PLXNA4: variants seen among roughly 807,000 people sequenced by gnomAD.
The protein encoded by PLXNA4 is plexin-A4.
PLXNA4 carries 44 observed loss-of-function variants against 191.8 expected under a neutral mutation model. That is an observed-to-expected ratio of 0.23 (90% CI 0.18 to 0.29). The LOEUF (loss-of-function observed/expected upper bound fraction) is 0.29. Ranked by LOEUF, PLXNA4 falls within the 10% of genes least tolerant of loss-of-function variation. The pLI, the probability that PLXNA4 is intolerant of heterozygous loss-of-function variation, is 1.00. For synonymous variants in PLXNA4, 1,082 were observed against 1,009.5 expected, an observed-to-expected ratio of 1.07 and a Z score of -1.36; for missense variants, 1,800 against 2,488.8, an observed-to-expected ratio of 0.72 and a Z score of 5.89.
chr7:132,294,143 G>A (rs1205841199), intron 4 of PLXNA4, among the ~76,000 whole-genome samples: 1 of 152,224 alleles, frequency 6.6e-6, no homozygotes, highest in African/African-American at 2.4e-5. Flanking sequence ...AGAGCCAGGA[G>A]AGGAGATTGG....
intron 1 of PLXNA4, among the ~76,000 whole-genome samples, chr7:132,574,157 C>T (rs1802116140): frequency 6.6e-6 from 1 of 152,218 alleles, no homozygotes; most frequent in Non-Finnish European, 1.5e-5. Context: ...CATAATGATA[C>T]TAGCTTTGCA....
At chr7:132,613,307 T>C (rs1407968124) in intron 2 of PLXNA4, among the ~76,000 whole-genome samples, 1 of 152,152 alleles carries the variant, frequency 6.6e-6, no homozygotes, top group Non-Finnish European at 1.5e-5. Context: ...CAGCTTCTAC[T>C]AAAAGGTCAC....
rs374327789 is a variant in PLXNA4, at chr7:132,185,334, G to A, written c.3123C>T (p.Thr1041=). The A allele has an allele frequency of 5.6e-5, 90 of 1,613,816 alleles. No homozygotes were observed. Among genetic ancestry groups the A allele is most frequent in the Non-Finnish European group, 7.3e-5 (86 of 1,179,932 alleles). The change falls in exon 16 of 32, where the codon ACC becomes ACT. Residue 1041 remains threonine, a synonymous_variant. Transcript: ENST00000321063. ...DLVFQYVEDP[T]IVRIEPEWSI... ...TCCATTCTGGCTCAATCCGCACGAT[G>A]GTGGGGTCTTCCACATACTGAAAGA...
In PLXNA4 at chr7:132,414,279, C is replaced by T. The variant is rs532641014; in HGVS notation, c.1371+75013G>A. On this transcript the variant is annotated intron_variant, in intron 3 of 31. Transcript: ENST00000321063. ...GGCTTGCCAGCTGTGCCTTCCAGGT[C>T]CTGGTTCTGGGATCCCCTCTCATCC... is the stretch of plus-strand genomic sequence containing the variant. Among the ~76,000 whole-genome samples, 35 of 152,274 alleles carry T rather than the reference C, an allele frequency of 2.3e-4. No individual in the cohort carries two copies. The South Asian group carries it at 6.8e-3, about 30-fold the overall frequency.
intron 3 of PLXNA4, among the ~76,000 whole-genome samples, chr7:132,456,107 T>C (rs897703586): frequency 6.9e-6 from 1 of 144,692 alleles, no homozygotes; most frequent in Non-Finnish European, 1.5e-5. Flanking sequence ...GCATCTCCTC[T>C]GTTCTTTTTT....
chr7:132,401,497 C>T (rs1585085936), intron 3 of PLXNA4, among the ~76,000 whole-genome samples: 1 of 152,310 alleles, frequency 6.6e-6, no homozygotes, highest in East Asian at 1.9e-4. Context: ...GCATGTGATA[C>T]AGTACCAAAA....
At chr7:132,643,676 C>T (rs1055760392) in intron 2 of PLXNA4, among the ~76,000 whole-genome samples, 3 of 152,102 alleles carry the variant, frequency 2.0e-5, no homozygotes, top group Non-Finnish European at 4.4e-5. Flanking sequence ...GAGGGCCTGG[C>T]GAGGTGGATC....
intron 2 of PLXNA4, among the ~76,000 whole-genome samples, chr7:132,619,115 A>G (rs192972915): frequency 2.0e-5 from 3 of 152,212 alleles, no homozygotes; most frequent in Non-Finnish European, 4.4e-5. Context: ...TGTAAATCCC[A>G]AAAAACCTTC....
At chr7:132,370,309 T>C (rs1358855843) in intron 3 of PLXNA4, among the ~76,000 whole-genome samples, 1 of 152,088 alleles carries the variant, frequency 6.6e-6, no homozygotes, top group Non-Finnish European at 1.5e-5. Context: ...TGGCATGAGA[T>C]GCAAGGGAAG....
At chr7:132,602,625 A>C (rs1802841410) in intron 2 of PLXNA4, among the ~76,000 whole-genome samples, 1 of 152,204 alleles carries the variant, frequency 6.6e-6, no homozygotes. Flanking sequence ...CTCACACACA[A>C]GGAAGGTTTG....
At chr7:132,222,189 T>A (rs1206581742) in intron 9 of PLXNA4, among the ~76,000 whole-genome samples, 1 of 152,218 alleles carries the variant, frequency 6.6e-6, no homozygotes, top group Admixed American at 6.5e-5. Flanking sequence ...TGTCCACCTG[T>A]AGAACTCCTG....
At chr7:132,254,679 G>A (rs1432713588) in intron 4 of PLXNA4, among the ~76,000 whole-genome samples, 1 of 152,170 alleles carries the variant, frequency 6.6e-6, no homozygotes, top group East Asian at 1.9e-4. Flanking sequence ...AGAGCTTCCC[G>A]CTTCCATCTG....
rs111292820 is a variant in PLXNA4, at chr7:132,553,358, T to C, written c.-87+23064A>G. ...TGGTATTTTGCCCCCAGGAGGTTCA[T>C]AACAGTCAGAAGGATCTCCAGGTTC... is the stretch of plus-strand genomic sequence containing the variant. On this transcript the variant is annotated intron_variant, in intron 1 of 31. Transcript: ENST00000321063. 4.4e-4 allele frequency among the ~76,000 whole-genome samples: 67 copies of C among 152,250 alleles called. 4 individuals are homozygous for C. The highest frequency in any genetic ancestry group is 3.4e-3 in the Middle Eastern group (1 of 294).
intron 10 of PLXNA4, among the ~76,000 whole-genome samples, chr7:132,209,199 A>G (rs1414830897): frequency 6.6e-6 from 1 of 152,200 alleles, no homozygotes; most frequent in Non-Finnish European, 1.5e-5. Context: ...CAGTTTTATG[A>G]CACTAGTGTC....
At chr7:132,348,149 G>A (rs1803324362) in intron 3 of PLXNA4, among the ~76,000 whole-genome samples, 1 of 152,172 alleles carries the variant, frequency 6.6e-6, no homozygotes, top group Non-Finnish European at 1.5e-5. Context: ...AATGAATGAA[G>A]CTGAACTGCC....
At chr7:132,264,783 C>T (rs534760337) in intron 4 of PLXNA4, among the ~76,000 whole-genome samples, 6 of 151,928 alleles carry the variant, frequency 3.9e-5, no homozygotes, top group African/African-American at 9.7e-5. Context: ...CTGCAACCGC[C>T]GCCTCCTGGG....
At chr7:132,493,750 GAT>G (rs1491494328) in intron 2 of PLXNA4, among the ~76,000 whole-genome samples, 11 of 4,834 alleles carry the variant, frequency 2.3e-3, no homozygotes, top group South Asian at 0.018. Context: ...TGGATGGGTG[GAT>G]GGATGGATGG....
intron 4 of PLXNA4, among the ~76,000 whole-genome samples, chr7:132,264,684 C>CTTTTT (rs56218905): frequency 1.2e-4 from 16 of 130,320 alleles, no homozygotes; most frequent in Admixed American, 2.3e-4. Context: ...GTCCTCCCCG[C>CTTTTT]TTTTTTTTTT....
intron 3 of PLXNA4, among the ~76,000 whole-genome samples, chr7:132,350,821 C>A (rs995560097): frequency 1.3e-5 from 2 of 151,996 alleles, no homozygotes; most frequent in Admixed American, 6.6e-5. Flanking sequence ...TATATCCAGA[C>A]AAAAATGTAT....
Sources: allele counts gnomAD v4.1 joint callset (sites outside exome capture counted in the v4.1 genomes callset), GRCh38; gene constraint gnomAD v4.1.1; transcripts MANE v1.5; gene names NCBI Gene and HGNC (gene_info 2026-07-23, HGNC 2026-07-21).